FAM81A: variants seen among roughly 807,000 people sequenced by gnomAD.
FAM81A encodes family with sequence similarity 81 member A.
A neutral mutation model predicts 46.7 loss-of-function variants in FAM81A; 19 were observed. The ratio of observed to expected loss-of-function variants is 0.41; its 90% CI spans 0.28 to 0.60. The LOEUF is 0.60. Ranked by LOEUF, FAM81A falls within the 20% of genes least tolerant of loss-of-function variation. The pLI, the probability that FAM81A is intolerant of heterozygous loss-of-function variation, is 0.34. For synonymous variants in FAM81A, 183 were observed against 152.9 expected (o/e 1.20, Z -1.45); for missense variants, 377 against 453.5 (o/e 0.83, Z 1.53).
intron 2 of FAM81A, chr15:59,406,858 C>T (rs2018165): frequency 0.41 from 62,121 of 151,380 alleles, 14,405 homozygotes; most frequent in Admixed American, 0.51. Context: ...ATTGTAACTC[C>T]ACTTTTGCAA....
intron 3 of FAM81A, among the ~76,000 whole-genome samples, chr15:59,475,753 G>A (rs1258396430): frequency 1.3e-5 from 2 of 152,170 alleles, no homozygotes; most frequent in African/African-American, 4.8e-5. Flanking sequence ...CAACAAGGAA[G>A]TTTAAAAATT....
intron 6 of FAM81A, among the ~76,000 whole-genome samples, chr15:59,513,919 C>G (rs1435533597): frequency 6.6e-6 from 1 of 152,198 alleles, no homozygotes; most frequent in Non-Finnish European, 1.5e-5. Flanking sequence ...AGATCATGCC[C>G]TTTGCAGGGA....
intron 6 of FAM81A, among the ~76,000 whole-genome samples, chr15:59,512,212 C>A (rs1159168161): frequency 2.0e-5 from 3 of 151,982 alleles, no homozygotes; most frequent in African/African-American, 7.2e-5. Context: ...GGCGAGGGGG[C>A]TAACGCCTGT....
rs765580692 is a variant in FAM81A at position 59,492,401 on chromosome 15, A to G, written c.413+12A>G. The G allele has an allele frequency of 9.4e-6, 15 of 1,603,526 alleles. No individual in the cohort carries two copies. The East Asian group carries it at 3.1e-4, about 33-fold the overall frequency. On this transcript the variant is annotated intron_variant, in intron 4 of 8. Transcript: ENST00000288228. Reference sequence around the variant, plus strand: ...GGAAGAGTGGCAAGGTAGGTGTTCAAATGTTGGGGTCTCTGCTCATCAAAA... The same window carrying G: ...GGAAGAGTGGCAAGGTAGGTGTTCAGATGTTGGGGTCTCTGCTCATCAAAA...
chr15:59,435,176 C>T (rs2081237822), upstream of FAM81A, among the ~76,000 whole-genome samples: 1 of 151,282 alleles, frequency 6.6e-6, no homozygotes, highest in Non-Finnish European at 1.5e-5. Context: ...AGTCCCAGCT[C>T]CTCGGGAGGC....
chr15:59,458,466 C>T, intron 1 of FAM81A, 84 bp from the exon 2 acceptor site: 1 of 820,250 alleles, frequency 1.2e-6, no homozygotes, highest in Non-Finnish European at 1.9e-6. Context: ...AATTTATGAT[C>T]CACTTAGCAA....
rs575517432 is a variant in FAM81A, at chr15:59,492,265, G to A, written c.295-6G>A. The A allele has an allele frequency of 6.2e-7, 1 of 1,601,458 alleles. No homozygotes were observed. The highest frequency in any genetic ancestry group is 8.5e-7 in the Non-Finnish European group (1 of 1,170,566). ...TGACTCCCTTAGTGTTTTTTATGTTGCCCAGGTACTCCAGGAGCAGATTCG... is the reference window on the plus strand; with the variant it reads ...TGACTCCCTTAGTGTTTTTTATGTTACCCAGGTACTCCAGGAGCAGATTCG... On this transcript the variant is annotated splice_region_variant and splice_polypyrimidine_tract_variant and intron_variant, in intron 3 of 8. Transcript: ENST00000288228.
chr15:59,483,962 G>A (rs1299197460), intron 3 of FAM81A, among the ~76,000 whole-genome samples: 2 of 152,176 alleles, frequency 1.3e-5, no homozygotes, highest in Admixed American at 1.3e-4. Flanking sequence ...GAGGGAATAG[G>A]ATGTAAAGAG....
intron 3 of FAM81A, among the ~76,000 whole-genome samples, chr15:59,471,792 C>A (rs1393164386): frequency 2.6e-5 from 4 of 152,264 alleles, no homozygotes; most frequent in Admixed American, 6.5e-5. Context: ...GGCCTACATA[C>A]ATAGTTATCA....
chr15:59,463,345 A>G (rs2081575170), intron 3 of FAM81A, among the ~76,000 whole-genome samples: 1 of 152,152 alleles, frequency 6.6e-6, no homozygotes, highest in African/African-American at 2.4e-5. Flanking sequence ...TCTTAATGTC[A>G]ATGCCACATT....
intron 2 of FAM81A, 81 bp from the exon 3 acceptor site, chr15:59,459,852 C>A: frequency 1.4e-6 from 2 of 1,453,272 alleles, no homozygotes; most frequent in East Asian, 2.5e-5. Flanking sequence ...TTTGTATTTC[C>A]AGACTTCTCT....
At chr15:59,494,875 T>C (rs1465856069) in intron 4 of FAM81A, among the ~76,000 whole-genome samples, 1 of 152,162 alleles carries the variant, frequency 6.6e-6, no homozygotes, top group East Asian at 1.9e-4. Context: ...CTTGATTTTT[T>C]TCCCCTGTAA....
At chr15:59,400,847 T>G (rs1288622088) in intron 1 of FAM81A, among the ~76,000 whole-genome samples, 2 of 152,204 alleles carry the variant, frequency 1.3e-5, no homozygotes, top group African/African-American at 2.4e-5. Context: ...TTAATACACA[T>G]GTTGGTTTAT....
Position 59,458,953 on chromosome 15 carries a change from C to T in FAM81A, c.20+307C>T, listed in dbSNP as rs557751205. ...CAGAAGTTGCAGATTAGGGGCCTAT[C>T]GGCCAAAATTGGCTCATGAAGTACA... On this transcript the variant is annotated intron_variant, in intron 2 of 8. Transcript: ENST00000288228. Among the ~76,000 whole-genome samples the T allele has an allele frequency of 6.6e-5, 10 of 152,324 alleles. No individual in the cohort carries two copies. In the South Asian group the frequency reaches 1.2e-3, roughly 19 times the overall value.
intron 1 of FAM81A, among the ~76,000 whole-genome samples, chr15:59,442,803 TCA>T (rs1438629271): frequency 6.6e-6 from 1 of 152,192 alleles, no homozygotes; most frequent in Non-Finnish European, 1.5e-5. Context: ...GTGTGTTTAT[TCA>T]CACACATATG....
chr15:59,401,846 C>T (rs1299281123), intron 1 of FAM81A: 17 of 746,490 alleles, frequency 2.3e-5, no homozygotes, highest in Admixed American at 1.8e-4. Flanking sequence ...CAGCATGGCC[C>T]TGTTTATGGT....
At chr15:59,479,426 G>T (rs1282989716) in intron 3 of FAM81A, among the ~76,000 whole-genome samples, 1 of 148,198 alleles carries the variant, frequency 6.7e-6, no homozygotes, top group East Asian at 2.0e-4. Flanking sequence ...CAGGAGAATT[G>T]CTTGAACCCG....
At chr15:59,501,286 G>A (rs1309963196) in intron 4 of FAM81A, among the ~76,000 whole-genome samples, 1 of 152,084 alleles carries the variant, frequency 6.6e-6, no homozygotes, top group Non-Finnish European at 1.5e-5. Context: ...CTGTTTGACT[G>A]TCTCTTTCCC....
intron 2 of FAM81A, among the ~76,000 whole-genome samples, chr15:59,413,003 G>C (rs2081128944): frequency 6.6e-6 from 1 of 152,232 alleles, no homozygotes; most frequent in Non-Finnish European, 1.5e-5. Flanking sequence ...GCTACCTTAA[G>C]TGAAGGTGCA....
Sources: gnomAD v4.1 joint callset for allele counts (sites outside exome capture counted in the v4.1 genomes callset) on GRCh38, gnomAD v4.1.1 for gene constraint, MANE v1.5 for transcripts, NCBI Gene and HGNC (gene_info 2026-07-23, HGNC 2026-07-21) for gene names.